The following SLC24A3 variants were observed in gnomAD, a reference collection of about 807,000 sequenced individuals.
The protein encoded by SLC24A3 is sodium/potassium/calcium exchanger 3.
In SLC24A3, 28 loss-of-function variants were observed where a neutral mutation model predicts 75.8. The observed-to-expected ratio is 0.37, with a 90% CI of 0.27 to 0.51. The LOEUF is 0.51. Ranked by LOEUF, SLC24A3 falls within the 20% of genes least tolerant of loss-of-function variation. SLC24A3 has a pLI of 0.94. For synonymous variants in SLC24A3, 372 were observed against 334.1 expected (o/e 1.11, Z -1.24); for missense variants, 663 against 847.8 (o/e 0.78, Z 2.71).
intron 1 of SLC24A3, among the ~76,000 whole-genome samples, chr20:19,250,140 CT>C (rs1199070251): frequency 3.3e-5 from 5 of 152,224 alleles, no homozygotes; most frequent in African/African-American, 1.2e-4. Flanking sequence ...GCACTGGGTG[CT>C]GGCATATTTG....
At chr20:19,683,443 G>A (rs2032637312) in intron 10 of SLC24A3, among the ~76,000 whole-genome samples, 1 of 152,254 alleles carries the variant, frequency 6.6e-6, no homozygotes, top group South Asian at 2.1e-4. Flanking sequence ...TATTTTTTAG[G>A]CCTTCTGGTG....
chr20:19,598,916 AC>A (rs2031486764), intron 6 of SLC24A3, among the ~76,000 whole-genome samples: 1 of 151,834 alleles, frequency 6.6e-6, no homozygotes, highest in South Asian at 2.1e-4. Context: ...ACACACACAC[AC>A]ACACGCACAC....
chr20:19,636,252 C>G (rs2032001937), intron 6 of SLC24A3, among the ~76,000 whole-genome samples: 1 of 152,200 alleles, frequency 6.6e-6, no homozygotes, highest in African/African-American at 2.4e-5. Context: ...AGTCACAAGT[C>G]CACCTTTATT....
intron 2 of SLC24A3, among the ~76,000 whole-genome samples, chr20:19,489,216 C>G (rs1358574025): frequency 6.6e-6 from 1 of 152,154 alleles, no homozygotes; most frequent in Non-Finnish European, 1.5e-5. Context: ...GACTCTCAAT[C>G]CCTATCACAG....
intron 2 of SLC24A3, among the ~76,000 whole-genome samples, chr20:19,296,208 C>T (rs2122240591): frequency 6.8e-6 from 1 of 146,550 alleles, no homozygotes; most frequent in South Asian, 2.2e-4. Context: ...GTGATATCCC[C>T]ATTATCATTT....
chr20:19,605,584 T>A (rs1403292312), intron 6 of SLC24A3, among the ~76,000 whole-genome samples: 1 of 152,176 alleles, frequency 6.6e-6, no homozygotes, highest in African/African-American at 2.4e-5. Flanking sequence ...CCTATGTTTG[T>A]TCATTCAGAG....
intron 2 of SLC24A3, among the ~76,000 whole-genome samples, chr20:19,402,609 T>G (rs1448283412): frequency 2.0e-5 from 3 of 152,144 alleles, no homozygotes; most frequent in African/African-American, 7.2e-5. Flanking sequence ...AACAGAACAT[T>G]TAAAATCTAT....
chr20:19,458,842 C>A (rs1358722231), intron 2 of SLC24A3, among the ~76,000 whole-genome samples: 1 of 152,110 alleles, frequency 6.6e-6, no homozygotes, highest in Non-Finnish European at 1.5e-5. Context: ...GTATTTAATT[C>A]TGTGGAAGCA....
At chr20:19,571,767 G>A (rs990004443) in intron 3 of SLC24A3, among the ~76,000 whole-genome samples, 3 of 152,198 alleles carry the variant, frequency 2.0e-5, no homozygotes, top group Non-Finnish European at 4.4e-5. Context: ...CTTTCCCAAT[G>A]CCAAATGACT....
chr20:19,638,578 C>T (rs1417210615), intron 6 of SLC24A3, among the ~76,000 whole-genome samples: 2 of 152,160 alleles, frequency 1.3e-5, no homozygotes, highest in Non-Finnish European at 2.9e-5. Context: ...GACTTTATTA[C>T]ATGCCAGGCA....
chr20:19,568,189 A>C (rs1255279516), intron 3 of SLC24A3, among the ~76,000 whole-genome samples: 1 of 152,224 alleles, frequency 6.6e-6, no homozygotes, highest in African/African-American at 2.4e-5. Flanking sequence ...TATAGTTAGG[A>C]ATGCAAAATG....
intron 9 of SLC24A3, among the ~76,000 whole-genome samples, chr20:19,675,589 T>C (rs1055613996): frequency 6.6e-6 from 1 of 152,218 alleles, no homozygotes; most frequent in African/African-American, 2.4e-5. Context: ...ATGGTTACTG[T>C]AGACCCCACA....
intron 4 of SLC24A3, among the ~76,000 whole-genome samples, chr20:19,581,745 G>A (rs554513915): frequency 6.6e-6 from 1 of 152,204 alleles, no homozygotes; most frequent in African/African-American, 2.4e-5. Flanking sequence ...ACTTGCCCTG[G>A]GTCAAGGGAT....
intron 2 of SLC24A3, among the ~76,000 whole-genome samples, chr20:19,306,223 A>C (rs6035287): frequency 0.15 from 23,167 of 152,210 alleles, 4,266 homozygotes; most frequent in African/African-American, 0.42. Flanking sequence ...GACAGAAAAG[A>C]ATAGATGTTG....
At position 19,256,098 on chromosome 20, in the gene SLC24A3, C is replaced by CTAATAATAA. The variant is rs3058400; in HGVS notation, c.143-24843_143-24835dup. 2.9e-3 allele frequency among the ~76,000 whole-genome samples: 439 copies of CTAATAATAA among 149,416 alleles called. 1 individual carries two copies. Among genetic ancestry groups the CTAATAATAA allele is most frequent in the African/African-American group, 4.1e-3 (165 of 40,718 alleles). The stretch of plus-strand genomic sequence containing the variant: ...TGCGTGATCGAACGAGACCCTGTCT[C>CTAATAATAA]TAATAATAATAATAATAATAATAAT... On this transcript the variant is annotated intron_variant, in intron 1 of 16. Coordinates refer to ENST00000328041, the MANE Select transcript of SLC24A3 (RefSeq NM_020689.4).
chr20:19,310,020 C>T (rs1194394076), intron 2 of SLC24A3, among the ~76,000 whole-genome samples: 1 of 152,178 alleles, frequency 6.6e-6, no homozygotes, highest in Non-Finnish European at 1.5e-5. Flanking sequence ...CCAGCAGGCA[C>T]AATGGGCCTG....
At chr20:19,658,145 G>T (rs2122713806) in intron 7 of SLC24A3, among the ~76,000 whole-genome samples, 1 of 152,248 alleles carries the variant, frequency 6.6e-6, no homozygotes. Flanking sequence ...GCCCACCAAG[G>T]GGTTCTTCAG....
At chr20:19,611,376 T>C (rs936627491) in intron 6 of SLC24A3, among the ~76,000 whole-genome samples, 6 of 78,338 alleles carry the variant, frequency 7.7e-5, no homozygotes, top group South Asian at 3.7e-4. Context: ...CGTTGAGAGA[T>C]TTTTTGAATA....
chr20:19,464,885 A>C (rs1204207526), intron 2 of SLC24A3, among the ~76,000 whole-genome samples: 19 of 152,132 alleles, frequency 1.2e-4, no homozygotes, highest in Non-Finnish European at 2.9e-5. Flanking sequence ...CCTAGTCAAT[A>C]TTGTCTAGCA....
Sources: gnomAD v4.1 joint callset for allele counts (sites outside exome capture counted in the v4.1 genomes callset) on GRCh38, gnomAD v4.1.1 for gene constraint, MANE v1.5 for transcripts, NCBI Gene and HGNC (gene_info 2026-07-23, HGNC 2026-07-21) for gene names.